The following STIM1 variants were observed in gnomAD, a reference collection of about 807,000 sequenced individuals.
STIM1 encodes stromal interaction molecule 1.
In STIM1, 25 loss-of-function variants were observed where a neutral mutation model predicts 74.7. The ratio of observed to expected loss-of-function variants is 0.33; its 90% CI spans 0.24 to 0.47. The LOEUF (loss-of-function observed/expected upper bound fraction) is 0.47, where lower values mean the gene tolerates loss of function less well. STIM1 is among the 20% of genes least tolerant of loss of function. The pLI, the probability that STIM1 is intolerant of heterozygous loss-of-function variation, is 1.00. For missense variants in STIM1, 728 were observed against 920.8 expected, an observed-to-expected ratio of 0.79 and a Z score of 2.71; for synonymous variants, 328 against 348.8, an observed-to-expected ratio of 0.94 and a Z score of 0.66.
At position 3,929,373 on chromosome 11, in the gene STIM1, T is replaced by C. The variant is rs185234807; in HGVS notation, c.140-38179T>C. On this transcript the variant is annotated intron_variant, in intron 1 of 12. Coordinates refer to ENST00000526596, the MANE Select transcript of STIM1 (RefSeq NM_001382567.1). ...CTTGCATTTACGGAGCCCCTTGCTG[T>C]ATGCTATGAGATAATGGCATTCTGA... Among the ~76,000 whole-genome samples, 59 of 152,328 alleles carry C rather than the reference T, an allele frequency of 3.9e-4. 2 individuals are homozygous for C. In the East Asian group the frequency reaches 0.01, roughly 26 times the overall value.
chr11:3,883,545 G>A (rs892162652), intron 1 of STIM1, among the ~76,000 whole-genome samples: 1 of 152,082 alleles, frequency 6.6e-6, no homozygotes, highest in Non-Finnish European at 1.5e-5. Context: ...TAGCGATGGG[G>A]TTTTACCATG....
intron 2 of STIM1, among the ~76,000 whole-genome samples, chr11:3,968,166 A>C (rs1388693951): frequency 1.3e-5 from 2 of 152,172 alleles, no homozygotes; most frequent in African/African-American, 4.8e-5. Flanking sequence ...TTCCAGGCTG[A>C]AGTTTTTGGG....
intron 1 of STIM1, among the ~76,000 whole-genome samples, chr11:3,959,735 T>C (rs1022197776): frequency 2.6e-5 from 4 of 152,158 alleles, no homozygotes; most frequent in African/African-American, 9.7e-5. Flanking sequence ...GCTATCAAAG[T>C]GTAGTCTTTA....
intron 2 of STIM1, among the ~76,000 whole-genome samples, chr11:3,989,721 C>G (rs1473849467): frequency 6.6e-6 from 1 of 152,218 alleles, no homozygotes; most frequent in Non-Finnish European, 1.5e-5. Context: ...TACAGCCACT[C>G]TCGTTCATTT....
At chr11:3,978,807 A>G (rs2093474498) in intron 2 of STIM1, among the ~76,000 whole-genome samples, 1 of 151,958 alleles carries the variant, frequency 6.6e-6, no homozygotes, top group Non-Finnish European at 1.5e-5. Context: ...CTTGTTTTCT[A>G]TGTTTTTCAT....
chr11:3,891,200 G>C, intron 1 of STIM1, among the ~76,000 whole-genome samples: 1 of 151,972 alleles, frequency 6.6e-6, no homozygotes. Flanking sequence ...TCTAGTAATT[G>C]GTGCAAGTAG....
chr11:3,876,249 A>C (rs2091303599), intron 1 of STIM1, among the ~76,000 whole-genome samples: 1 of 152,232 alleles, frequency 6.6e-6, no homozygotes, highest in South Asian at 2.1e-4. Context: ...CTTTTGGTTT[A>C]AGATATGGCT....
chr11:3,908,611 C>CA (rs147380381), intron 1 of STIM1, among the ~76,000 whole-genome samples: 57,310 of 140,882 alleles, frequency 0.41, 12,350 homozygotes, highest in Non-Finnish European at 0.47. Flanking sequence ...GACTCCATCT[C>CA]AAAAAAAAAA....
At position 4,074,520 on chromosome 11, in the gene STIM1, G is replaced by A. The variant is rs201765594; in HGVS notation, c.810G>A (p.Glu270=). ...DLQERLHKAQ[E]EHRTVEVEKV... Reference sequence around the variant, plus strand: ...CCCCCAGGCTGCACAAGGCCCAGGAGGAGCACCGCACAGTGGAGGTGGAGA... The same window carrying A: ...CCCCCAGGCTGCACAAGGCCCAGGAAGAGCACCGCACAGTGGAGGTGGAGA... The change falls in exon 7 of 13, where the codon GAG becomes GAA. Residue 270 remains glutamate (E), a synonymous_variant. Transcript: ENST00000526596. The A allele has an allele frequency of 4.1e-5, 66 of 1,613,804 alleles. No homozygotes were observed. The highest frequency in any genetic ancestry group is 5.1e-5 in the Non-Finnish European group (60 of 1,180,008).
At chr11:4,078,475 C>G (rs1278395358) in intron 7 of STIM1, among the ~76,000 whole-genome samples, 2 of 152,110 alleles carry the variant, frequency 1.3e-5, no homozygotes, top group Non-Finnish European at 2.9e-5. Context: ...AAATGACTGG[C>G]AATTGACAAA....
intron 12 of STIM1, among the ~76,000 whole-genome samples, chr11:4,088,092 C>T (rs760139510): frequency 4.6e-5 from 7 of 152,052 alleles, no homozygotes; most frequent in Non-Finnish European, 7.4e-5. Flanking sequence ...CACAAGGTCT[C>T]AAAAAGTGTA....
chr11:3,973,876 G>C, intron 2 of STIM1: 1 of 460,642 alleles, frequency 2.2e-6, no homozygotes, highest in South Asian at 2.5e-5. Flanking sequence ...ACCATACCCA[G>C]CTAATTTAAA....
chr11:4,026,996 C>T (rs7940292), intron 3 of STIM1, among the ~76,000 whole-genome samples: 7,229 of 152,212 alleles, frequency 0.047, 539 homozygotes, highest in African/African-American at 0.16. Context: ...AGGCTCAGAG[C>T]CCCAATGTTC....
At chr11:3,865,274 T>A (rs2090809908) in intron 1 of STIM1, among the ~76,000 whole-genome samples, 1 of 152,206 alleles carries the variant, frequency 6.6e-6, no homozygotes, top group South Asian at 2.1e-4. Flanking sequence ...AGAACAAACT[T>A]ACCCAAGGTT....
chr11:4,024,765 G>A (rs56305604), intron 3 of STIM1, among the ~76,000 whole-genome samples: 4,817 of 152,126 alleles, frequency 0.032, 129 homozygotes, highest in Non-Finnish European at 0.047. Context: ...TCAGATTTCT[G>A]TAAAACTGCT....
At chr11:3,964,828 G>A (rs949521654) in intron 1 of STIM1, among the ~76,000 whole-genome samples, 1 of 151,592 alleles carries the variant, frequency 6.6e-6, no homozygotes, top group African/African-American at 2.4e-5. Flanking sequence ...GGCCTCAAGC[G>A]ATCCTCCTAC....
chr11:4,077,450 A>C (rs1416340728), intron 7 of STIM1, among the ~76,000 whole-genome samples: 1 of 152,132 alleles, frequency 6.6e-6, no homozygotes, highest in African/African-American at 2.4e-5. Context: ...AATCAAAGTT[A>C]GAGATTTTAA....
intron 1 of STIM1, among the ~76,000 whole-genome samples, chr11:3,859,199 C>T (rs1264459126): frequency 6.6e-6 from 1 of 152,134 alleles, no homozygotes; most frequent in Non-Finnish European, 1.5e-5. Flanking sequence ...AGTTAAAATG[C>T]TTATGGCTTT....
chr11:4,045,292 C>G (rs946673909), intron 3 of STIM1, among the ~76,000 whole-genome samples: 1 of 152,150 alleles, frequency 6.6e-6, no homozygotes, highest in Admixed American at 6.5e-5. Context: ...CTGTACTTTA[C>G]AGGCTAGCAC....
Sources: allele counts gnomAD v4.1 joint callset (sites outside exome capture counted in the v4.1 genomes callset), GRCh38; gene constraint gnomAD v4.1.1; transcripts MANE v1.5; gene names NCBI Gene and HGNC (gene_info 2026-07-23, HGNC 2026-07-21).